SPECC1: variants seen among roughly 807,000 people sequenced by gnomAD.
SPECC1 encodes the protein cytospin-B.
In SPECC1, 62 loss-of-function variants were observed where a neutral mutation model predicts 104.1. The observed-to-expected ratio is 0.60, with a 90% CI of 0.49 to 0.74. The LOEUF (loss-of-function observed/expected upper bound fraction) is 0.74, where lower values mean the gene tolerates loss of function less well. Ranked by LOEUF, SPECC1 falls within the 30% of genes least tolerant of loss-of-function variation. The pLI, the probability that SPECC1 is intolerant of heterozygous loss-of-function variation, is 0.00. For synonymous variants in SPECC1, 513 were observed against 501.6 expected, an observed-to-expected ratio of 1.02 and a Z score of -0.30; for missense variants, 1,306 against 1,310.5, an observed-to-expected ratio of 1.00 and a Z score of 0.05.
At chr17:20,175,796 C>T (rs891390125) in intron 3 of SPECC1, among the ~76,000 whole-genome samples, 2 of 152,168 alleles carry the variant, frequency 1.3e-5, no homozygotes, top group African/African-American at 4.8e-5. Context: ...TGGGCCTCTG[C>T]CGGGTGGGAC....
chr17:20,188,177 A>G (rs1160998318), intron 3 of SPECC1, among the ~76,000 whole-genome samples: 1 of 152,202 alleles, frequency 6.6e-6, no homozygotes, highest in African/African-American at 2.4e-5. Context: ...TTTGAATGAA[A>G]AATTAGGTTA....
chr17:20,099,474 A>G (rs2152508746), intron 2 of SPECC1, among the ~76,000 whole-genome samples: 1 of 143,270 alleles, frequency 7.0e-6, no homozygotes, highest in East Asian at 2.1e-4. Context: ...GGAGTTCAAG[A>G]CCAGCCTGAC....
intron 1 of SPECC1, among the ~76,000 whole-genome samples, chr17:20,060,813 C>A (rs2046158231): frequency 6.6e-6 from 1 of 152,022 alleles, no homozygotes; most frequent in South Asian, 2.1e-4. Context: ...TGTGATGGTA[C>A]AAAATAGAAA....
chr17:20,158,990 T>C (rs990537457), intron 3 of SPECC1, among the ~76,000 whole-genome samples: 4 of 151,408 alleles, frequency 2.6e-5, no homozygotes, highest in African/African-American at 9.7e-5. Context: ...TGGAGGCTTG[T>C]TCTGCCACCC....
intron 3 of SPECC1, among the ~76,000 whole-genome samples, chr17:20,190,552 T>C (rs1414827906): frequency 1.3e-5 from 2 of 152,216 alleles, no homozygotes; most frequent in African/African-American, 2.4e-5. Context: ...AGTTTTCCTA[T>C]AGTGTACTCC....
rs1209589252 is a variant in SPECC1, at chr17:20,194,502, AT to A, written c.284-9808del. ...TGTGTTCTGTTAGAAAAGAGAACGA[AT>A]TTTTTTTTTTTTTTTTTTTTTTGAG... On this transcript the variant is annotated intron_variant, in intron 3 of 14. Coordinates refer to ENST00000395527, the MANE Select transcript of SPECC1 (RefSeq NM_001243439.2). Among the ~76,000 whole-genome samples the A allele has an allele frequency of 9.9e-4, 86 of 86,534 alleles. 5 individuals carry two copies. Among genetic ancestry groups the A allele is most frequent in the South Asian group, 3.4e-3 (8 of 2,388 alleles). The allele number at this position is 86,534 out of a possible 152,430, so 56.8% of individuals were successfully genotyped here. A position where few individuals can be genotyped will look rare whatever the true frequency, so the allele number is the denominator to read the frequency against.
intron 3 of SPECC1, among the ~76,000 whole-genome samples, chr17:20,194,793 C>T (rs1006951706): frequency 4.6e-5 from 7 of 152,004 alleles, no homozygotes; most frequent in African/African-American, 1.7e-4. Flanking sequence ...TGTGAGCCAC[C>T]ATGCCCAGCC....
intron 3 of SPECC1, among the ~76,000 whole-genome samples, chr17:20,160,334 C>T (rs988107935): frequency 5.9e-5 from 9 of 152,148 alleles, no homozygotes; most frequent in Middle Eastern, 3.4e-3. Flanking sequence ...TGCCAGCAGT[C>T]GGGAGAGGAG....
chr17:20,128,663 T>A (rs1008670723), intron 3 of SPECC1, among the ~76,000 whole-genome samples: 11 of 152,206 alleles, frequency 7.2e-5, no homozygotes, highest in East Asian at 1.9e-4. Context: ...ATCTTTTTTT[T>A]AATCAGTAAT....
chr17:20,307,126 A>C (rs974554393), intron 14 of SPECC1, among the ~76,000 whole-genome samples: 6 of 152,224 alleles, frequency 3.9e-5, no homozygotes, highest in Non-Finnish European at 8.8e-5. Flanking sequence ...TTGGAAAATA[A>C]ATACAGGGAG....
At chr17:20,208,895 G>A (rs945940633) in intron 4 of SPECC1, among the ~76,000 whole-genome samples, 18 of 152,240 alleles carry the variant, frequency 1.2e-4, no homozygotes, top group African/African-American at 4.3e-4. Context: ...GAACTCCTGG[G>A]CTCAAGCAAT....
chr17:20,256,270 A>G (rs2151580451), intron 10 of SPECC1, among the ~76,000 whole-genome samples: 1 of 152,016 alleles, frequency 6.6e-6, no homozygotes, highest in East Asian at 1.9e-4. Context: ...AGCCCTCCCT[A>G]CTTAGCCCCC....
chr17:20,268,343 A>C lies in SPECC1; in HGVS notation c.2940+8049A>C, dbSNP rs1447577012. 2.0e-5 allele frequency among the ~76,000 whole-genome samples: 3 copies of C among 152,162 alleles called. No individual in the cohort carries two copies. The East Asian group carries it at 5.8e-4, about 29-fold the overall frequency. The stretch of plus-strand genomic sequence containing the variant: ...TGTGTCCACACTGAATTTTGCTTTG[A>C]ATCTGGAAAGAACACCCATGTTGCA... On this transcript the variant is annotated intron_variant, in intron 12 of 14. Coordinates refer to ENST00000395527, the MANE Select transcript of SPECC1 (RefSeq NM_001243439.2).
At chr17:20,280,757 G>T in intron 12 of SPECC1, among the ~76,000 whole-genome samples, 1 of 152,134 alleles carries the variant, frequency 6.6e-6, no homozygotes, top group East Asian at 1.9e-4. Flanking sequence ...CTGTCGTATG[G>T]GGCAATGCAA....
At chr17:20,195,723 A>G (rs965695173) in intron 3 of SPECC1, among the ~76,000 whole-genome samples, 2 of 152,114 alleles carry the variant, frequency 1.3e-5, no homozygotes, top group Non-Finnish European at 2.9e-5. Flanking sequence ...ACACCCGGCT[A>G]ATTTTTAGTA....
intron 1 of SPECC1, among the ~76,000 whole-genome samples, chr17:20,011,978 C>T (rs2043959554): frequency 6.6e-6 from 1 of 152,156 alleles, no homozygotes; most frequent in African/African-American, 2.4e-5. Flanking sequence ...ATTACTTCAG[C>T]AATGATCAAT....
chr17:20,066,119 A>G (rs1006549469), intron 1 of SPECC1, among the ~76,000 whole-genome samples: 5 of 152,076 alleles, frequency 3.3e-5, no homozygotes, highest in South Asian at 2.1e-4. Flanking sequence ...GCTAGGTGAA[A>G]CTCGGAAACT....
chr17:20,308,253 G>T (rs1163198691), intron 14 of SPECC1, among the ~76,000 whole-genome samples: 7 of 151,896 alleles, frequency 4.6e-5, no homozygotes, highest in Admixed American at 3.3e-4. Context: ...GCCAGGTGTG[G>T]TGGCGGGCAC....
At chr17:20,016,055 A>T (rs1172060886) in intron 1 of SPECC1, among the ~76,000 whole-genome samples, 2 of 151,026 alleles carry the variant, frequency 1.3e-5, no homozygotes, top group East Asian at 2.0e-4. Context: ...CTAAAAAAAA[A>T]ATAAAATAAA....
Sources: allele counts gnomAD v4.1 joint callset (sites outside exome capture counted in the v4.1 genomes callset), GRCh38; gene constraint gnomAD v4.1.1; transcripts MANE v1.5; gene names NCBI Gene and HGNC (gene_info 2026-07-23, HGNC 2026-07-21).